PMAIP1: variants seen among roughly 807,000 people sequenced by gnomAD.
The protein encoded by PMAIP1 is PMA-induced protein 1.
Under a neutral mutation model 3.7 loss-of-function variants are expected in PMAIP1, and 3 were observed. The ratio of observed to expected loss-of-function variants is 0.82; its 90% CI spans 0.37 to 2.12. The LOEUF (loss-of-function observed/expected upper bound fraction) is 2.12. Among genes scored for constraint, PMAIP1 ranks in the 30% most tolerant of loss-of-function variants. The pLI is 0.06. For missense variants in PMAIP1, 77 were observed against 67.1 expected (o/e 1.15, Z -0.52); for synonymous variants, 29 against 26.2 (o/e 1.11, Z -0.32).
intron 1 of PMAIP1, chr18:59,900,749 G>T: frequency 1.5e-6 from 1 of 688,154 alleles, no homozygotes; most frequent in East Asian, 2.7e-5. Context: ...TGGGAGGTGG[G>T]GATAGGAGAA....
chr18:59,900,274 C>T (rs778125866), intron 1 of PMAIP1, 39 bp downstream of exon 1: 147 of 1,532,562 alleles, frequency 9.6e-5, no homozygotes, highest in Non-Finnish European at 1.2e-4. Flanking sequence ...CCAGGCCGGG[C>T]GGGGTCGGGG....
In PMAIP1 at chr18:59,900,173, C is replaced by G. The variant is rs1394623262; in HGVS notation, c.-5C>G. ...GTAGCTGAGTGGGCGGCGGCACCGG[C>G]GGAGATGCCTGGGAAGAAGGCGCGC... On this transcript the variant is annotated 5_prime_UTR_variant, in exon 1 of 2. Transcript: ENST00000316660. 2 of 1,558,576 alleles carry G rather than the reference C, an allele frequency of 1.3e-6. No homozygotes were observed. Among genetic ancestry groups the G allele is most frequent in the East Asian group, 4.7e-5 (2 of 42,986 alleles).
Position 59,900,073 on chromosome 18 carries a change from A to C in PMAIP1, c.-105A>C. On this transcript the variant is annotated 5_prime_UTR_variant, in exon 1 of 2. Transcript: ENST00000316660. Reference sequence around the variant, plus strand: ...ACCCGATCCCAGCATCCCTGCCTGCAGGACTGTTCGTGTTCAGCTCGCGTC... The same window carrying C: ...ACCCGATCCCAGCATCCCTGCCTGCCGGACTGTTCGTGTTCAGCTCGCGTC... The C allele has an allele frequency of 2.4e-6, 3 of 1,264,766 alleles. No individual in the cohort carries two copies. The highest frequency in any genetic ancestry group is 2.2e-6 in the Non-Finnish European group (2 of 913,112). The allele number at this position is 1,264,766 out of a possible 1,614,324, so 78.3% of individuals were successfully genotyped here.
intron 1 of PMAIP1, among the ~76,000 whole-genome samples, chr18:59,901,983 G>T (rs1032002722): frequency 1.3e-5 from 2 of 152,192 alleles, no homozygotes; most frequent in Non-Finnish European, 2.9e-5. Context: ...GTTATAGGAA[G>T]AAGTGGGTTT....
rs751287233 is a variant in PMAIP1, at chr18:59,902,879, C to A, written c.*126C>A. 4.7e-6 allele frequency: 7 copies of A among 1,486,792 alleles called. No homozygotes were observed. The South Asian group carries it at 8.3e-5, about 18-fold the overall frequency. The allele number at this position is 1,486,792 out of a possible 1,614,324, so 92.1% of individuals were successfully genotyped here. On this transcript the variant is annotated 3_prime_UTR_variant, in exon 2 of 2. Coordinates refer to ENST00000316660, the MANE Select transcript of PMAIP1 (RefSeq NM_021127.3). ...ATGTGAAGGTGCATTCATGGGTGCC[C>A]TTGGAAACGGAAGATGGAATACATC...
intron 1 of PMAIP1, among the ~76,000 whole-genome samples, chr18:59,900,995 G>C (rs2055763802): frequency 6.6e-6 from 1 of 152,160 alleles, no homozygotes; most frequent in Admixed American, 6.5e-5. Context: ...AGAGCTCCTG[G>C]GGCGTGCGAA....
Position 59,900,205 on chromosome 18 carries a change from G to T in PMAIP1, c.28G>T (p.Ala10Ser), listed in dbSNP as rs369350146. ...GCCTGGGAAGAAGGCGCGCAAGAACGCTCAACCGAGCCCCGCGCGGGCTCC... is the reference window on the plus strand; with the variant it reads ...GCCTGGGAAGAAGGCGCGCAAGAACTCTCAACCGAGCCCCGCGCGGGCTCC... MPGKKARKN[A>S]QPSPARAPAE... Residue 10 changes from alanine to serine, a missense_variant, in exon 1 of 2, where the codon GCT becomes TCT. Transcript: ENST00000316660. 5.8e-6 allele frequency: 9 copies of T among 1,556,166 alleles called. No homozygotes were observed. In the South Asian group the frequency reaches 9.4e-5, roughly 16 times the overall value.
rs531143556 is a variant in PMAIP1, at chr18:59,902,811, C to G, written c.*58C>G. 6.2e-7 allele frequency: 1 copy of G among 1,612,504 alleles called. No individual in the cohort carries two copies. The highest frequency in any genetic ancestry group is 1.1e-5 in the South Asian group (1 of 90,938). ...CAAAAGAGTTTTCTCAGGAGGTGCA[C>G]GTTTCATCAATTTGAAGAAAGACTG... On this transcript the variant is annotated 3_prime_UTR_variant, in exon 2 of 2. Transcript: ENST00000316660.
rs1041978 is a variant in PMAIP1, at chr18:59,903,101, G to T, written c.*348G>T. ...GATTACCGCTGGCCTACTGTGAAGG[G>T]AGATGACCTGTGATTAGACTGGGCG... On this transcript the variant is annotated 3_prime_UTR_variant, in exon 2 of 2. Transcript: ENST00000316660. 0.11 allele frequency: 60,970 copies of T among 541,012 alleles called. 3,923 individuals carry two copies. Among genetic ancestry groups the T allele is most frequent in the East Asian group, 0.22 (6,917 of 31,704 alleles). 33.5% of individuals were successfully genotyped at this position (541,012 alleles called of 1,614,324 possible).
Position 59,900,065 on chromosome 18 carries a change from C to G in PMAIP1, c.-113C>G, listed in dbSNP as rs2055746639. 8.6e-7 allele frequency: 1 copy of G among 1,162,606 alleles called. No individual in the cohort carries two copies. Among genetic ancestry groups the G allele is most frequent in the African/African-American group, 1.6e-5 (1 of 63,012 alleles). The allele number at this position is 1,162,606 out of a possible 1,614,324, so 72.0% of individuals were successfully genotyped here. On this transcript the variant is annotated 5_prime_UTR_variant, in exon 1 of 2. Coordinates refer to ENST00000316660, the MANE Select transcript of PMAIP1 (RefSeq NM_021127.3). ...GTCCGGACACCCGATCCCAGCATCC[C>G]TGCCTGCAGGACTGTTCGTGTTCAG...
Position 59,902,687 on chromosome 18 carries a change from A to C in PMAIP1, c.99A>C (p.Gly33=). Residue 33 remains glycine (G), a synonymous_variant, in exon 2 of 2, where the codon GGA becomes GGC. Transcript: ENST00000316660. ...VECATQLRRF[G]DKLNFRQKLL... ...GTGCTACTCAACTCAGGAGATTTGG[A>C]GACAAACTGAACTTCCGGCAGAAAC... is the stretch of plus-strand genomic sequence containing the variant. 6.2e-7 allele frequency: 1 copy of C among 1,614,196 alleles called. No individual in the cohort carries two copies. Among genetic ancestry groups the C allele is most frequent in the Non-Finnish European group, 8.5e-7 (1 of 1,180,028 alleles).
intron 1 of PMAIP1, among the ~76,000 whole-genome samples, chr18:59,902,060 G>T (rs1237760176): frequency 6.6e-6 from 1 of 152,182 alleles, no homozygotes; most frequent in Non-Finnish European, 1.5e-5. Flanking sequence ...AAGATTTTAT[G>T]AGTCTTTTAT....
At position 59,903,209 on chromosome 18, in the gene PMAIP1, A is replaced by G. The variant is rs2055786065; in HGVS notation, c.*456A>G. The G allele has an allele frequency of 3.4e-6, 1 of 292,056 alleles. No individual in the cohort carries two copies. Among genetic ancestry groups the G allele is most frequent in the Non-Finnish European group, 6.6e-6 (1 of 151,988 alleles). 18.1% of individuals were successfully genotyped at this position (292,056 alleles called of 1,614,324 possible). A position where few individuals can be genotyped will look rare whatever the true frequency, so the allele number is the denominator to read the frequency against. ...TCAGTGCCAACTCAGCACATTGTAT[A>G]TGATTCGGTTTATACATATTACCTT... On this transcript the variant is annotated 3_prime_UTR_variant, in exon 2 of 2. Coordinates refer to ENST00000316660, the MANE Select transcript of PMAIP1 (RefSeq NM_021127.3).
Position 59,900,247 on chromosome 18 carries a change from C to G in PMAIP1, c.58+12C>G, listed in dbSNP as rs1276443233. On this transcript the variant is annotated intron_variant, in intron 1 of 1. Coordinates refer to ENST00000316660, the MANE Select transcript of PMAIP1 (RefSeq NM_021127.3). ...GCGGGCTCCAGCAGGTACCGACCCG[C>G]TGGGGCCAGCGAAGACCCAGGCCGG... The G allele has an allele frequency of 1.3e-6, 2 of 1,543,548 alleles. No homozygotes were observed. Among genetic ancestry groups the G allele is most frequent in the Non-Finnish European group, 1.7e-6 (2 of 1,146,122 alleles).
At chr18:59,901,002 C>T (rs1159559677) in intron 1 of PMAIP1, among the ~76,000 whole-genome samples, 1 of 152,118 alleles carries the variant, frequency 6.6e-6, no homozygotes, top group Non-Finnish European at 1.5e-5. Context: ...CTGGGGCGTG[C>T]GAAGGAAGTG....
intron 1 of PMAIP1, among the ~76,000 whole-genome samples, chr18:59,900,921 C>A (rs541286165): frequency 6.6e-6 from 1 of 152,104 alleles, no homozygotes; most frequent in Non-Finnish European, 1.5e-5. Context: ...TCTGTGTGGG[C>A]CATACTGCTG....
chr18:59,900,198 C>T lies in PMAIP1; in HGVS notation c.21C>T (p.Arg7=). The change falls in exon 1 of 2, where the codon CGC becomes CGT. Residue 7 remains arginine (R), a synonymous_variant. Coordinates refer to ENST00000316660, the MANE Select transcript of PMAIP1 (RefSeq NM_021127.3). Reference sequence around the variant, plus strand: ...CGGAGATGCCTGGGAAGAAGGCGCGCAAGAACGCTCAACCGAGCCCCGCGC... The same window carrying T: ...CGGAGATGCCTGGGAAGAAGGCGCGTAAGAACGCTCAACCGAGCCCCGCGC... The part of the protein sequence containing the change: MPGKKA[R]KNAQPSPARA... 6.4e-7 allele frequency: 1 copy of T among 1,557,818 alleles called. No individual in the cohort carries two copies. The highest frequency in any genetic ancestry group is 8.7e-7 in the Non-Finnish European group (1 of 1,154,488).
Position 59,902,548 on chromosome 18 carries a change from G to A in PMAIP1, c.59-99G>A, listed in dbSNP as rs573944260. 7 of 972,626 alleles carry A rather than the reference G, an allele frequency of 7.2e-6. No homozygotes were observed. In the Admixed American group the frequency reaches 1.3e-4, roughly 18 times the overall value. The allele number at this position is 972,626 out of a possible 1,614,324, so 60.2% of individuals were successfully genotyped here. The stretch of plus-strand genomic sequence containing the variant: ...CCAAAGTTAAGAGAAATGCTTCCTG[G>A]GATACTCAATTTGTCACTAGTGTGG... On this transcript the variant is annotated intron_variant, in intron 1 of 1. Coordinates refer to ENST00000316660, the MANE Select transcript of PMAIP1 (RefSeq NM_021127.3).
chr18:59,901,528 A>G (rs1414042480), intron 1 of PMAIP1, among the ~76,000 whole-genome samples: 1 of 152,222 alleles, frequency 6.6e-6, no homozygotes, highest in African/African-American at 2.4e-5. Context: ...TGTAGGAGTT[A>G]GGAAAGATTT....
Sources: allele counts gnomAD v4.1 joint callset (sites outside exome capture counted in the v4.1 genomes callset), GRCh38; gene constraint gnomAD v4.1.1; transcripts MANE v1.5; gene names NCBI Gene and HGNC (gene_info 2026-07-23, HGNC 2026-07-21).